ABCC6: variants seen among roughly 807,000 people sequenced by gnomAD.
ABCC6 encodes the protein ATP binding cassette subfamily C member 6.
ABCC6 carries 126 observed loss-of-function variants against 169.5 expected under a neutral mutation model. The ratio of observed to expected loss-of-function variants is 0.74; its 90% CI spans 0.64 to 0.86. The LOEUF (loss-of-function observed/expected upper bound fraction) is 0.86, where lower values mean the gene tolerates loss of function less well. Among genes scored for constraint, ABCC6 ranks in the 40% least tolerant of loss-of-function variants. The pLI is 0.00. For synonymous variants in ABCC6, 752 were observed against 814.7 expected (o/e 0.92, Z 1.31); for missense variants, 1,733 against 1,927.2 (o/e 0.90, Z 1.89).
In ABCC6 at chr16:16,182,860, G is replaced by A; in HGVS notation, c.2014C>T (p.Leu672=). 2 of 1,614,126 alleles carry A rather than the reference G, an allele frequency of 1.2e-6. No homozygotes were observed. The highest frequency in any genetic ancestry group is 8.5e-7 in the Non-Finnish European group (1 of 1,180,022). ...AGCTCCCCAAGGAGGGCGGACAGCA[G>A]GGAGGACTTCCCTGCCCCCACTGGA... The part of the protein sequence containing the change: ...VGPVGAGKSS[L]LSALLGELSK... Residue 672 remains leucine (L), a synonymous_variant, in exon 16 of 31, where the codon CTG becomes TTG. Transcript: ENST00000205557.
chr16:16,182,760 T>G (rs779720987), intron 16 of ABCC6, 44 bp downstream of exon 16: 1 of 1,612,270 alleles, frequency 6.2e-7, no homozygotes, highest in Non-Finnish European at 8.5e-7. Context: ...AGTGGGACTT[T>G]CAGGATGGGG....
chr16:16,194,525 G>A (rs964710187), intron 10 of ABCC6, among the ~76,000 whole-genome samples: 7 of 152,160 alleles, frequency 4.6e-5, no homozygotes, highest in African/African-American at 1.7e-4. Flanking sequence ...TCTGGAAAAT[G>A]TGGAAGTGGG....
intron 25 of ABCC6, among the ~76,000 whole-genome samples, chr16:16,160,988 C>A (rs888401598): frequency 3.9e-5 from 6 of 152,090 alleles, no homozygotes; most frequent in African/African-American, 1.4e-4. Context: ...GCCTGTAATT[C>A]CAGCAACTTG....
intron 19 of ABCC6, 133 bp from the exon 20 acceptor site, chr16:16,176,119 C>A: frequency 1.3e-6 from 1 of 790,672 alleles, no homozygotes; most frequent in South Asian, 1.4e-5. Context: ...CCAGCAACCT[C>A]TCTCAACACC....
chr16:16,208,796 T>C lies in ABCC6; in HGVS notation c.726A>G (p.Glu242=). The C allele has an allele frequency of 6.2e-7, 1 of 1,613,316 alleles. No individual in the cohort carries two copies. The highest frequency in any genetic ancestry group is 8.5e-7 in the Non-Finnish European group (1 of 1,179,718). The change falls in exon 7 of 31, where the codon GAA becomes GAG. Residue 242 remains glutamate (E), a synonymous_variant. Transcript: ENST00000205557. ...RPKDLWSLGR[E]NSSEELVSRL... ...GGGAAACAAGTTCTTCTGAGGAGTT[T>C]TCTCTCCCAAGCGACCAGAGGTCTT...
At position 16,182,492 on chromosome 16, in the gene ABCC6, C is replaced by T. The variant is rs762127969; in HGVS notation, c.2167G>A (p.Glu723Lys). Residue 723 changes from glutamate (E) to lysine (K), a missense_variant, in exon 17 of 31, where the codon GAG becomes AAG. Physicochemically the swap from Glu to Lys is moderately conservative, Grantham distance 56 (BLOSUM62 1). This residue lies in a region of ABCC6 where 1,601 missense variants were observed against 1,635.5 expected (regional missense o/e 0.98). Transcript: ENST00000205557. ...FGQELDPPWL[E>K]RVLEACALQP... is the part of the protein sequence containing the mutation. ...AGGGCACAGGCTTCTAGTACTCTCTCCAGCCAGGGTGGGTCCAGCTCCTGC... is the reference window on the plus strand; with the variant it reads ...AGGGCACAGGCTTCTAGTACTCTCTTCAGCCAGGGTGGGTCCAGCTCCTGC... 13 of 1,614,068 alleles carry T rather than the reference C, an allele frequency of 8.1e-6. No individual in the cohort carries two copies. Among genetic ancestry groups the T allele is most frequent in the Non-Finnish European group, 8.5e-7 (1 of 1,180,046 alleles).
intron 7 of ABCC6, among the ~76,000 whole-genome samples, chr16:16,208,515 A>G (rs1428527422): frequency 6.6e-6 from 1 of 151,962 alleles, no homozygotes; most frequent in Non-Finnish European, 1.5e-5. Flanking sequence ...CTGGGATTAT[A>G]GGTGCCTACC....
intron 23 of ABCC6, 80 bp from the exon 24 acceptor site, chr16:16,163,272 A>G (rs138829589): frequency 1.5e-5 from 20 of 1,368,740 alleles, no homozygotes; most frequent in Middle Eastern, 1.9e-4. Flanking sequence ...GAGAGCCCCA[A>G]GTACAGGATT....
rs372714722 is a variant in ABCC6, at chr16:16,177,600, G to A, written c.2442C>T (p.Leu814=). The A allele has an allele frequency of 5.0e-6, 8 of 1,614,232 alleles. No individual in the cohort carries two copies. In the South Asian group the frequency reaches 6.6e-5, roughly 13 times the overall value. The change falls in exon 19 of 31, where the codon CTC becomes CTT. Residue 814 remains leucine (L), a synonymous_variant. Coordinates refer to ENST00000205557, the MANE Select transcript of ABCC6 (RefSeq NM_001171.6). ...TCCAATCAGCCTGGGGCAGGATGTG[G>A]AGTGCGTGCGTCACGAGAATCCGTG... ...GTTRILVTHA[L]HILPQADWII...
At chr16:16,207,295 C>A (rs1201095793) in intron 7 of ABCC6, among the ~76,000 whole-genome samples, 3 of 152,370 alleles carry the variant, frequency 2.0e-5, no homozygotes, top group East Asian at 1.9e-4. Flanking sequence ...TGGCCCCTGA[C>A]AGGCACATGA....
intron 26 of ABCC6, 113 bp from the exon 27 acceptor site, chr16:16,157,922 C>A (rs2046604132): frequency 1.7e-6 from 2 of 1,196,782 alleles, no homozygotes; most frequent in Non-Finnish European, 2.3e-6. Context: ...GTATTTATTG[C>A]TGTTTTACAG....
intron 7 of ABCC6, among the ~76,000 whole-genome samples, chr16:16,206,119 A>G (rs1316262101): frequency 2.6e-5 from 4 of 152,226 alleles, no homozygotes; most frequent in Non-Finnish European, 5.9e-5. Flanking sequence ...TGTTTAACCC[A>G]GAGAGTCAGT....
At chr16:16,159,330 C>T (rs1261093217) in intron 26 of ABCC6, 152 bp downstream of exon 26, 2 of 774,090 alleles carry the variant, frequency 2.6e-6, no homozygotes, top group Non-Finnish European at 4.3e-6. Context: ...TGCTGCCACC[C>T]TGTCTGTGAC....
intron 9 of ABCC6, among the ~76,000 whole-genome samples, chr16:16,200,721 C>A (rs527855467): frequency 1.3e-4 from 19 of 151,662 alleles, no homozygotes; most frequent in African/African-American, 4.3e-4. Context: ...CCCTCCTCCC[C>A]TAGGTGACAG....
intron 27 of ABCC6, among the ~76,000 whole-genome samples, chr16:16,156,605 A>G (rs1341043859): frequency 1.3e-5 from 2 of 152,162 alleles, no homozygotes; most frequent in African/African-American, 4.8e-5. Flanking sequence ...TGGAACTAGT[A>G]GAAGGTTTTG....
chr16:16,175,822 C>G, intron 20 of ABCC6, 89 bp downstream of exon 20: 1 of 1,462,684 alleles, frequency 6.8e-7, no homozygotes. Context: ...TTTTGGTTGC[C>G]CGCCTAACTG....
At chr16:16,205,792 A>G (rs1180681261) in intron 7 of ABCC6, among the ~76,000 whole-genome samples, 1 of 152,208 alleles carries the variant, frequency 6.6e-6, no homozygotes, top group East Asian at 1.9e-4. Context: ...TGTCCCTAGT[A>G]TAGAGTCCAG....
intron 1 of ABCC6, among the ~76,000 whole-genome samples, 186 bp from the exon 2 acceptor site, chr16:16,222,017 T>G (rs984648242): frequency 1.3e-5 from 2 of 152,212 alleles, no homozygotes; most frequent in African/African-American, 2.4e-5. Context: ...GTTGCAATTA[T>G]ATTGATTTGC....
At chr16:16,220,077 C>T in intron 2 of ABCC6, 130 bp from the exon 3 acceptor site, 1 of 795,550 alleles carries the variant, frequency 1.3e-6, no homozygotes, top group East Asian at 2.7e-5. Context: ...CCAGGGTCAC[C>T]AGCTAGCAAC....
Sources: gnomAD v4.1 joint callset for allele counts (sites outside exome capture counted in the v4.1 genomes callset) on GRCh38, gnomAD v4.1.1 for gene constraint, gnomAD v4.1.1 regional missense constraint, MANE v1.5 for transcripts, NCBI Gene and HGNC (gene_info 2026-07-23, HGNC 2026-07-21) for gene names.